Variants in DLGAP2 observed in about 807,000 individuals in gnomAD.
DLGAP2 encodes DLG associated protein 2.
A neutral mutation model predicts 100.3 loss-of-function variants in DLGAP2; 26 were observed. The ratio of observed to expected loss-of-function variants is 0.26; its 90% CI spans 0.19 to 0.36. DLGAP2 has a LOEUF of 0.36. DLGAP2 is among the 10% of genes least tolerant of loss of function. DLGAP2 has a pLI of 1.00. For missense variants in DLGAP2, 1,858 were observed against 1,453.2 expected (o/e 1.28, Z -4.53); for synonymous variants, 886 against 630.1 (o/e 1.41, Z -6.08).
At chr8:1,623,642 GCACCAGTGTGTGATGACCTGA>G (rs1452739842) in intron 6 of DLGAP2, among the ~76,000 whole-genome samples, 21 of 150,786 alleles carry the variant, frequency 1.4e-4, no homozygotes, top group Admixed American at 2.0e-4. Context: ...CCATGACCTG[GCACCAGTGTGTGATGACCTGA>G]CACCAGTGTG....
chr8:982,859 C>T (rs1800375734), intron 2 of DLGAP2, among the ~76,000 whole-genome samples: 2 of 148,196 alleles, frequency 1.3e-5, no homozygotes, highest in South Asian at 2.2e-4. Flanking sequence ...TGCTTTAATA[C>T]ACTCTAGGAA....
chr8:1,669,616 CGTGCTGAGA>C, intron 9 of DLGAP2, 118 bp from the exon 10 acceptor site: 5 of 717,422 alleles, frequency 7.0e-6, no homozygotes, highest in Admixed American at 2.0e-5. Flanking sequence ...GTGAGTGGAG[CGTGCTGAGA>C]GCCGGGCCCG....
At chr8:1,170,999 C>G (rs577260550) in intron 2 of DLGAP2, among the ~76,000 whole-genome samples, 1 of 151,342 alleles carries the variant, frequency 6.6e-6, no homozygotes, top group African/African-American at 2.4e-5. Flanking sequence ...TGGATCTTTC[C>G]TGCTTTCTCT....
intron 8 of DLGAP2, among the ~76,000 whole-genome samples, chr8:1,634,655 T>A (rs150291232): frequency 3.9e-5 from 6 of 152,320 alleles, no homozygotes; most frequent in African/African-American, 1.4e-4. Flanking sequence ...ACTCATACTT[T>A]CAGCAGTATT....
At chr8:1,224,911 G>A (rs1243274544) in intron 2 of DLGAP2, among the ~76,000 whole-genome samples, 3 of 152,236 alleles carry the variant, frequency 2.0e-5, no homozygotes, top group East Asian at 3.8e-4. Flanking sequence ...TAGGATGGCT[G>A]TTGGTGACAA....
chr8:1,439,431 C>T (rs1054190921), intron 3 of DLGAP2, among the ~76,000 whole-genome samples: 7 of 152,262 alleles, frequency 4.6e-5, no homozygotes, highest in Admixed American at 4.6e-4. Flanking sequence ...TCTCTAGTTC[C>T]TCACGGGAGC....
intron 3 of DLGAP2, among the ~76,000 whole-genome samples, chr8:1,283,185 C>T (rs992888303): frequency 2.7e-5 from 4 of 149,870 alleles, no homozygotes; most frequent in East Asian, 2.0e-4. Context: ...GAACCCAGCA[C>T]GTGAACCATC....
chr8:1,330,960 G>A (rs112352543), intron 3 of DLGAP2, among the ~76,000 whole-genome samples: 18 of 142,526 alleles, frequency 1.3e-4, no homozygotes, highest in East Asian at 6.7e-4. Flanking sequence ...GGGTGGGAGC[G>A]CCACTTCACC....
intron 3 of DLGAP2, among the ~76,000 whole-genome samples, chr8:1,477,602 C>G (rs1249358624): frequency 6.6e-6 from 1 of 152,216 alleles, no homozygotes; most frequent in African/African-American, 2.4e-5. Context: ...TTCCTCACAG[C>G]TCACCTGTCT....
intron 2 of DLGAP2, among the ~76,000 whole-genome samples, chr8:1,122,640 C>G (rs981863160): frequency 2.0e-5 from 3 of 152,100 alleles, no homozygotes; most frequent in Admixed American, 6.5e-5. Flanking sequence ...GTTTTTATAA[C>G]AAGGTAGAAC....
intron 8 of DLGAP2, among the ~76,000 whole-genome samples, chr8:1,667,215 G>A (rs1798566305): frequency 6.6e-6 from 1 of 152,216 alleles, no homozygotes; most frequent in Non-Finnish European, 1.5e-5. Context: ...GAGAGTGTTA[G>A]GGAGTTCATC....
At chr8:1,082,194 A>T (rs931099898) in intron 2 of DLGAP2, among the ~76,000 whole-genome samples, 2 of 152,090 alleles carry the variant, frequency 1.3e-5, no homozygotes, top group Admixed American at 6.6e-5. Flanking sequence ...TCTCTTGTCG[A>T]TCTAGAACTC....
chr8:1,692,541 C>T (rs1799279916), intron 13 of DLGAP2, among the ~76,000 whole-genome samples: 1 of 152,088 alleles, frequency 6.6e-6, no homozygotes, highest in Admixed American at 6.6e-5. Flanking sequence ...GCTGCAGCAG[C>T]GCGGCGTGAC....
At chr8:993,773 A>G (rs1046669044) in intron 2 of DLGAP2, among the ~76,000 whole-genome samples, 1 of 146,924 alleles carries the variant, frequency 6.8e-6, no homozygotes, top group Admixed American at 6.8e-5. Context: ...ACACCATGCA[A>G]GCAAACTGAT....
At chr8:1,092,700 A>G (rs934654243) in intron 2 of DLGAP2, among the ~76,000 whole-genome samples, 1 of 152,168 alleles carries the variant, frequency 6.6e-6, no homozygotes, top group Non-Finnish European at 1.5e-5. Context: ...GTTCTGCAGA[A>G]TCCTGAAGCC....
intron 2 of DLGAP2, among the ~76,000 whole-genome samples, chr8:1,047,019 C>G (rs1261940837): frequency 1.3e-5 from 2 of 151,968 alleles, no homozygotes; most frequent in African/African-American, 4.8e-5. Flanking sequence ...AAAATTTACT[C>G]ATTTCTAGTA....
At chr8:1,309,922 C>T (rs901602639) in intron 3 of DLGAP2, among the ~76,000 whole-genome samples, 1 of 151,948 alleles carries the variant, frequency 6.6e-6, no homozygotes, top group South Asian at 2.1e-4. Flanking sequence ...TGGTGAAAAC[C>T]CATCTTTACT....
At chr8:1,187,093 C>G (rs75801278) in intron 2 of DLGAP2, among the ~76,000 whole-genome samples, 2,093 of 151,850 alleles carry the variant, frequency 0.014, 23 homozygotes, top group Non-Finnish European at 0.023. Context: ...GGAGATGCAT[C>G]AATACGTTCA....
At chr8:1,294,804 G>T (rs181096274) in intron 3 of DLGAP2, among the ~76,000 whole-genome samples, 244 of 152,026 alleles carry the variant, frequency 1.6e-3, no homozygotes, top group African/African-American at 5.2e-3. Context: ...CGGAGGTGCA[G>T]GTTGCAGTGA....
Sources: allele counts gnomAD v4.1 joint callset (sites outside exome capture counted in the v4.1 genomes callset), GRCh38; gene constraint gnomAD v4.1.1; transcripts MANE v1.5; gene names NCBI Gene and HGNC (gene_info 2026-07-23, HGNC 2026-07-21).